SH3KBP1: variants seen among roughly 807,000 people sequenced by gnomAD.
SH3KBP1 encodes the protein SH3 domain containing kinase binding protein 1.
Under a neutral mutation model 50.1 loss-of-function variants are expected in SH3KBP1, and 8 were observed. That is an observed-to-expected ratio of 0.16 (90% CI 0.09 to 0.29). SH3KBP1 has a LOEUF of 0.29. Ranked by LOEUF, SH3KBP1 falls within the 10% of genes least tolerant of loss-of-function variation. The pLI is 1.00. For synonymous variants in SH3KBP1, 227 were observed against 218.6 expected (o/e 1.04, Z -0.34); for missense variants, 377 against 535.2 (o/e 0.70, Z 2.92).
chrX:19,607,118 C>T (rs910396427), intron 9 of SH3KBP1, among the ~76,000 whole-genome samples: 7 of 112,452 alleles, frequency 6.2e-5, no homozygotes, highest in African/African-American at 1.9e-4. Context: ...CTGTAGCTAT[C>T]CTTCCCACAC....
chrX:19,590,220 G>T (rs2066702568), intron 11 of SH3KBP1, among the ~76,000 whole-genome samples: 1 of 111,968 alleles, frequency 8.9e-6, no homozygotes, highest in South Asian at 3.7e-4. Flanking sequence ...GGCACACAGG[G>T]GCCAGAGGAG....
At chrX:19,670,799 A>G (rs1461526287) in intron 6 of SH3KBP1, 3 of 1,058,557 alleles carry the variant, frequency 2.8e-6, no homozygotes, top group African/African-American at 4.4e-5. Context: ...TTATATACAG[A>G]TAAGATACAG....
intron 8 of SH3KBP1, among the ~76,000 whole-genome samples, chrX:19,631,246 C>T (rs2061567184): frequency 8.9e-6 from 1 of 112,864 alleles, no homozygotes; most frequent in Admixed American, 9.3e-5. Flanking sequence ...TATCTTTCAA[C>T]CACCTACTTG....
intron 3 of SH3KBP1, among the ~76,000 whole-genome samples, chrX:19,726,156 G>A (rs1031090804): frequency 9.0e-6 from 1 of 111,507 alleles, no homozygotes; most frequent in Admixed American, 9.5e-5. Context: ...GGAGTAGAGC[G>A]GGAGTGGGAG....
intron 8 of SH3KBP1, among the ~76,000 whole-genome samples, chrX:19,611,337 G>GT (rs1179567574): frequency 3.6e-5 from 4 of 111,515 alleles, no homozygotes; most frequent in South Asian, 7.5e-4. Flanking sequence ...TTTTTTTGTG[G>GT]TTTTTTTGTT....
At chrX:19,731,435 A>G (rs1401911265) in intron 3 of SH3KBP1, among the ~76,000 whole-genome samples, 1 of 110,650 alleles carries the variant, frequency 9.0e-6, no homozygotes, top group East Asian at 2.8e-4. Context: ...TCCACCTTCA[A>G]TCTCATTACT....
chrX:19,851,884 C>T (rs766320446), intron 1 of SH3KBP1, among the ~76,000 whole-genome samples: 1 of 111,554 alleles, frequency 9.0e-6, no homozygotes, highest in Admixed American at 9.6e-5. Context: ...ATCCTCCTCA[C>T]TGTATCATTT....
intron 7 of SH3KBP1, 129 bp downstream of exon 7, chrX:19,645,271 A>G: frequency 1.9e-6 from 1 of 518,478 alleles, no homozygotes; most frequent in East Asian, 3.4e-5. Flanking sequence ...ATGAAATACA[A>G]TTGTGTACAT....
At chrX:19,791,311 GTATCCTA>G (rs2066520863) in intron 2 of SH3KBP1, among the ~76,000 whole-genome samples, 2 of 111,274 alleles carry the variant, frequency 1.8e-5, no homozygotes, top group Non-Finnish European at 3.8e-5. Flanking sequence ...TGCTAAGCAT[GTATCCTA>G]TGGATAGACT....
chrX:19,782,927 G>T (rs1463759178), intron 2 of SH3KBP1, among the ~76,000 whole-genome samples: 1 of 111,178 alleles, frequency 9.0e-6, no homozygotes, highest in East Asian at 2.8e-4. Flanking sequence ...GCAACATGGC[G>T]AAACCCTGTC....
chrX:19,736,648 TA>T (rs2064586327), intron 3 of SH3KBP1, among the ~76,000 whole-genome samples: 1 of 111,489 alleles, frequency 9.0e-6, no homozygotes, highest in Non-Finnish European at 1.9e-5. Flanking sequence ...AATCATGAGT[TA>T]GGGAGGTGGG....
At chrX:19,779,462 A>T (rs1175753869) in intron 2 of SH3KBP1, among the ~76,000 whole-genome samples, 19 of 107,195 alleles carry the variant, frequency 1.8e-4, no homozygotes, top group South Asian at 4.2e-4. Context: ...GTTTTAGGGT[A>T]CATGTGCACA....
chrX:19,547,014 T>C (rs774660421), intron 14 of SH3KBP1, among the ~76,000 whole-genome samples: 11 of 110,544 alleles, frequency 1.0e-4, no homozygotes, highest in African/African-American at 3.3e-4. Flanking sequence ...TGGCCAGGCA[T>C]GGTGGTGTGC....
At chrX:19,676,374 G>A (rs774609388) in intron 6 of SH3KBP1, among the ~76,000 whole-genome samples, 30 of 110,884 alleles carry the variant, frequency 2.7e-4, no homozygotes, top group Non-Finnish European at 4.7e-4. Flanking sequence ...GGTGGGAGGC[G>A]GGGATGGTTA....
chrX:19,758,327 CAAAAAAAA>C (rs60332447), intron 2 of SH3KBP1, among the ~76,000 whole-genome samples: 6 of 37,668 alleles, frequency 1.6e-4, no homozygotes, highest in East Asian at 1.5e-3. Flanking sequence ...GACTTCGTTT[CAAAAAAAA>C]AAAAAAAAAA....
chrX:19,801,794 G>A (rs755286481), intron 2 of SH3KBP1, among the ~76,000 whole-genome samples: 1 of 112,160 alleles, frequency 8.9e-6, no homozygotes, highest in Admixed American at 9.4e-5. Flanking sequence ...ACCTTGCCTG[G>A]GCCAGGTGCA....
In SH3KBP1 at chrX:19,706,929, G is replaced by A. The variant is rs368141192; in HGVS notation, c.342C>T (p.Asp114=). The change falls in exon 4 of 18, where the codon GAC becomes GAT. Residue 114 remains aspartate (D), a synonymous_variant. Coordinates refer to ENST00000397821, the MANE Select transcript of SH3KBP1 (RefSeq NM_031892.3). ...CGCCAACTTTCAGCTCAAGTTCATC[G>A]TCATTCTGGGGCAGGTAGCTGAATG... ...QVAFSYLPQN[D]DELELKVGDI... The A allele has an allele frequency of 1.5e-5, 18 of 1,210,024 alleles. No individual in the cohort carries two copies. The highest frequency in any genetic ancestry group is 3.5e-5 in the South Asian group (2 of 56,846).
chrX:19,882,605 C>T (rs751385014), intron 1 of SH3KBP1, among the ~76,000 whole-genome samples: 8 of 111,969 alleles, frequency 7.1e-5, no homozygotes, highest in Non-Finnish European at 1.5e-4. Context: ...TCGTGATTGT[C>T]GCCCAGTGAC....
intron 2 of SH3KBP1, among the ~76,000 whole-genome samples, chrX:19,793,054 T>C (rs747670562): frequency 9.1e-6 from 1 of 109,983 alleles, no homozygotes; most frequent in South Asian, 3.9e-4. Context: ...CTCAGCACTT[T>C]GGGAGGCCGA....
Sources: gnomAD v4.1 joint callset for allele counts (sites outside exome capture counted in the v4.1 genomes callset) on GRCh38, gnomAD v4.1.1 for gene constraint, MANE v1.5 for transcripts, NCBI Gene and HGNC (gene_info 2026-07-23, HGNC 2026-07-21) for gene names.